FHIT: variants seen among roughly 807,000 people sequenced by gnomAD.
FHIT encodes bis(5'-adenosyl)-triphosphatase.
A neutral mutation model predicts 17.9 loss-of-function variants in FHIT; 19 were observed. That is an observed-to-expected ratio of 1.06 (90% confidence interval 0.74 to 1.56). The LOEUF (loss-of-function observed/expected upper bound fraction) is 1.56. Among genes scored for constraint, FHIT ranks in the 40% most tolerant of loss-of-function variants. FHIT has a pLI of 0.00. For missense variants in FHIT, 248 were observed against 189.2 expected (o/e 1.31, Z -1.82); for synonymous variants, 81 against 69.7 (o/e 1.16, Z -0.81).
intron 5 of FHIT, among the ~76,000 whole-genome samples, chr3:60,456,577 G>A (rs1352690538): frequency 6.6e-6 from 1 of 152,146 alleles, no homozygotes; most frequent in East Asian, 1.9e-4. Context: ...GTTAATGGCA[G>A]CAGCAGCAGC....
intron 5 of FHIT, among the ~76,000 whole-genome samples, chr3:60,388,326 A>T (rs1034534790): frequency 1.3e-5 from 2 of 152,216 alleles, no homozygotes; most frequent in Admixed American, 1.3e-4. Context: ...CTAGCCAGGC[A>T]TGGTGGCTCA....
intron 2 of FHIT, chr3:61,165,674 A>C (rs2037815465): frequency 6.6e-6 from 1 of 152,308 alleles, no homozygotes; most frequent in Admixed American, 6.5e-5. Flanking sequence ...GTCTCTACTA[A>C]AAATACAAAA....
chr3:61,090,467 T>G (rs189733312), intron 2 of FHIT, among the ~76,000 whole-genome samples: 5 of 152,330 alleles, frequency 3.3e-5, no homozygotes, highest in African/African-American at 9.6e-5. Flanking sequence ...TTGAACGGAT[T>G]TCTAGTCTCA....
At chr3:60,946,509 A>T (rs1247027426) in intron 3 of FHIT, among the ~76,000 whole-genome samples, 1 of 152,138 alleles carries the variant, frequency 6.6e-6, no homozygotes, top group Non-Finnish European at 1.5e-5. Context: ...GTAGGGAGAG[A>T]TATTTGCAAG....
At chr3:61,142,232 G>T (rs769718574) in intron 2 of FHIT, among the ~76,000 whole-genome samples, 1 of 151,148 alleles carries the variant, frequency 6.6e-6, no homozygotes, top group Non-Finnish European at 1.5e-5. Flanking sequence ...AAAATATCAG[G>T]TTGCTCTCTC....
intron 5 of FHIT, among the ~76,000 whole-genome samples, chr3:60,283,084 G>A (rs979848386): frequency 6.6e-6 from 1 of 152,090 alleles, no homozygotes; most frequent in Non-Finnish European, 1.5e-5. Flanking sequence ...TTTGGAGAGT[G>A]CACACTTGAG....
At chr3:60,031,510 T>A (rs1418045849) in intron 5 of FHIT, among the ~76,000 whole-genome samples, 1 of 152,212 alleles carries the variant, frequency 6.6e-6, no homozygotes, top group East Asian at 1.9e-4. Flanking sequence ...TTTTTGCCAC[T>A]TTTTAGCCAT....
chr3:60,567,450 T>A (rs975451856), intron 4 of FHIT, among the ~76,000 whole-genome samples: 3 of 152,168 alleles, frequency 2.0e-5, no homozygotes, highest in African/African-American at 7.2e-5. Context: ...TATACAAAAA[T>A]TAATTCAAGA....
chr3:60,836,791 G>A (rs1011404508), intron 3 of FHIT, among the ~76,000 whole-genome samples: 4 of 152,154 alleles, frequency 2.6e-5, no homozygotes, highest in Non-Finnish European at 5.9e-5. Flanking sequence ...GGGGAAGGCA[G>A]GGGTTTAAAA....
intron 5 of FHIT, among the ~76,000 whole-genome samples, chr3:60,464,898 T>C (rs576884557): frequency 6.6e-6 from 1 of 152,232 alleles, no homozygotes; most frequent in African/African-American, 2.4e-5. Flanking sequence ...TGCTGGATCA[T>C]ATGGTAGCTC....
At chr3:60,727,065 A>C (rs1553709766) in intron 4 of FHIT, among the ~76,000 whole-genome samples, 1 of 152,230 alleles carries the variant, frequency 6.6e-6, no homozygotes, top group African/African-American at 2.4e-5. Flanking sequence ...TGGGATTTTC[A>C]GTACTGTCTG....
intron 3 of FHIT, among the ~76,000 whole-genome samples, chr3:60,959,166 G>A (rs528676544): frequency 6.6e-6 from 1 of 152,096 alleles, no homozygotes; most frequent in African/African-American, 2.4e-5. Flanking sequence ...ACTGCTCTTG[G>A]GCATAGTGGT....
chr3:60,544,203 A>T (rs1001421609), intron 4 of FHIT, among the ~76,000 whole-genome samples: 1 of 151,564 alleles, frequency 6.6e-6, no homozygotes, highest in African/African-American at 2.4e-5. Context: ...TAACACAGGG[A>T]TCCTTTTCTT....
chr3:59,875,615 T>A (rs562140486), intron 8 of FHIT, among the ~76,000 whole-genome samples: 144 of 152,358 alleles, frequency 9.5e-4, no homozygotes, highest in African/African-American at 2.6e-3. Flanking sequence ...AGTTTTTTTT[T>A]ATAATTTTAG....
At chr3:60,234,610 G>A (rs1354518168) in intron 5 of FHIT, among the ~76,000 whole-genome samples, 2 of 152,178 alleles carry the variant, frequency 1.3e-5, no homozygotes, top group Admixed American at 1.3e-4. Flanking sequence ...CTTAGCTGGT[G>A]TTAAACCATG....
chr3:60,915,535 C>T (rs751150062), intron 3 of FHIT, among the ~76,000 whole-genome samples: 9 of 152,018 alleles, frequency 5.9e-5, no homozygotes, highest in Non-Finnish European at 1.0e-4. Context: ...GCCATTTATT[C>T]GAACAGATAG....
At chr3:59,929,703 T>C (rs111846630) in intron 7 of FHIT, among the ~76,000 whole-genome samples, 40 of 152,276 alleles carry the variant, frequency 2.6e-4, no homozygotes, top group African/African-American at 8.4e-4. Flanking sequence ...AATAAGATTG[T>C]TTCCATTTGC....
intron 3 of FHIT, among the ~76,000 whole-genome samples, chr3:60,835,566 A>G (rs1376482924): frequency 1.3e-5 from 2 of 152,304 alleles, no homozygotes; most frequent in Middle Eastern, 3.4e-3. Flanking sequence ...TTAAATGTCT[A>G]TCTCATATCC....
intron 5 of FHIT, among the ~76,000 whole-genome samples, chr3:60,384,289 G>C (rs1015987064): frequency 6.6e-6 from 1 of 150,960 alleles, no homozygotes; most frequent in Non-Finnish European, 1.5e-5. Flanking sequence ...AAAAATTGGA[G>C]ATAATTTTTA....
Sources: allele counts gnomAD v4.1 joint callset (sites outside exome capture counted in the v4.1 genomes callset), GRCh38; gene constraint gnomAD v4.1.1; transcripts MANE v1.5; gene names NCBI Gene and HGNC (gene_info 2026-07-23, HGNC 2026-07-21).